CAST: variants seen among roughly 807,000 people sequenced by gnomAD.
CAST encodes calpastatin.
A neutral mutation model predicts 119.6 loss-of-function variants in CAST; 76 were observed. That is an observed-to-expected ratio of 0.64 (90% CI 0.53 to 0.77). The LOEUF is 0.77. Ranked by LOEUF, CAST falls within the 30% of genes least tolerant of loss-of-function variation. CAST has a pLI of 0.00. For missense variants in CAST, 953 were observed against 946.5 expected (o/e 1.01, Z -0.09); for synonymous variants, 319 against 331.6 (o/e 0.96, Z 0.41).
intron 16 of CAST, among the ~76,000 whole-genome samples, chr5:96,745,159 G>A (rs1165008546): frequency 2.0e-5 from 3 of 152,174 alleles, no homozygotes; most frequent in Non-Finnish European, 2.9e-5. Flanking sequence ...TTGACCTGGG[G>A]AGTGCTGCTC....
At chr5:96,318,626 G>A in the CAST span, 2 of 152,126 alleles carry the variant, frequency 1.3e-5, no homozygotes, top group South Asian at 2.1e-4. Flanking sequence ...CATACCCAAG[G>A]CCACATGGTG....
the CAST span, among the ~76,000 whole-genome samples, chr5:96,363,887 G>T: frequency 6.6e-6 from 1 of 152,202 alleles, no homozygotes; most frequent in Non-Finnish European, 1.5e-5. Flanking sequence ...GGAGTGTTGA[G>T]AGAGGGCATC....
chr5:96,412,563 T>C, the CAST span: 2 of 1,326,152 alleles, frequency 1.5e-6, no homozygotes, highest in Non-Finnish European at 2.2e-6. Flanking sequence ...CCAATACTCT[T>C]ACTATTTGTA....
chr5:96,706,616 G>A lies in CAST; in HGVS notation c.210+10709G>A, dbSNP rs141034925. Among the ~76,000 whole-genome samples the A allele has an allele frequency of 6.3e-3, 963 of 152,280 alleles. 11 individuals carry two copies. The highest frequency in any genetic ancestry group is 0.022 in the African/African-American group (911 of 41,538). Reference sequence around the variant, plus strand: ...TAATGACTGAGATGTTATTCTGGTGGAGCACAGTCAGTTAAAGGCAGGACT... The same window carrying A: ...TAATGACTGAGATGTTATTCTGGTGAAGCACAGTCAGTTAAAGGCAGGACT... On this transcript the variant is annotated intron_variant, in intron 3 of 31. Coordinates refer to ENST00000675179, the MANE Select transcript of CAST (RefSeq NM_001750.7).
chr5:96,238,332 T>TTCTTCTTCTTCTTCTTCTTCTTCC, the CAST span, among the ~76,000 whole-genome samples: 1 of 42,984 alleles, frequency 2.3e-5, no homozygotes, highest in African/African-American at 6.2e-5. Flanking sequence ...CTTCTTCTTC[T>TTCTTCTTCTTCTTCTTCTTCTTCC]TCTTCTTCTT....
At chr5:96,414,204 C>A in the CAST span, among the ~76,000 whole-genome samples, 1 of 151,762 alleles carries the variant, frequency 6.6e-6, no homozygotes, top group Admixed American at 6.6e-5. Flanking sequence ...AGCCAGTTAA[C>A]CCTCTGTGCC....
chr5:96,213,372 C>T, the CAST span: 1 of 151,992 alleles, frequency 6.6e-6, no homozygotes, highest in African/African-American at 2.4e-5. Context: ...ATCTTTGTCT[C>T]TTAATTGGTA....
At chr5:96,581,847 C>A (rs1445118250) in intron 1 of CAST, among the ~76,000 whole-genome samples, 1 of 151,938 alleles carries the variant, frequency 6.6e-6, no homozygotes, top group Non-Finnish European at 1.5e-5. Flanking sequence ...GCCGAGACTG[C>A]GCCACTCCAC....
At chr5:96,766,612 G>T (rs554655284) in intron 27 of CAST, among the ~76,000 whole-genome samples, 4 of 152,270 alleles carry the variant, frequency 2.6e-5, no homozygotes, top group African/African-American at 4.8e-5. Context: ...GTGAAGACAG[G>T]CAAAGCAATA....
chr5:96,519,281 A>G, the CAST span, among the ~76,000 whole-genome samples: 1 of 152,316 alleles, frequency 6.6e-6, no homozygotes, highest in East Asian at 1.9e-4. Context: ...CCAAAACAGG[A>G]CCAAGTTATT....
the CAST span, among the ~76,000 whole-genome samples, chr5:96,330,509 G>A: frequency 6.6e-6 from 1 of 152,190 alleles, no homozygotes; most frequent in Admixed American, 6.5e-5. Flanking sequence ...ATAGCTCGTC[G>A]TTTTATTATT....
the CAST span, among the ~76,000 whole-genome samples, chr5:96,108,795 G>A: frequency 2.0e-5 from 3 of 152,228 alleles, no homozygotes; most frequent in Non-Finnish European, 4.4e-5. Flanking sequence ...AAGCAAGCCT[G>A]GGCAATGGCA....
At chr5:96,309,604 T>C in the CAST span, among the ~76,000 whole-genome samples, 2 of 152,238 alleles carry the variant, frequency 1.3e-5, no homozygotes, top group Non-Finnish European at 2.9e-5. Flanking sequence ...GGGAATCTCC[T>C]GGTCTGCTGG....
At chr5:96,110,580 C>A in the CAST span, among the ~76,000 whole-genome samples, 4 of 152,108 alleles carry the variant, frequency 2.6e-5, no homozygotes, top group Non-Finnish European at 5.9e-5. Flanking sequence ...GTCTCCTGTT[C>A]TTTTTACTCT....
the CAST span, among the ~76,000 whole-genome samples, chr5:96,141,890 A>G: frequency 8.5e-5 from 13 of 152,190 alleles, no homozygotes; most frequent in Non-Finnish European, 1.9e-4. Flanking sequence ...GTAGCCGAGT[A>G]TTTGACATTG....
At chr5:96,770,650 G>A (rs374215782) in intron 30 of CAST, 48 bp downstream of exon 30, 2 of 1,238,430 alleles carry the variant, frequency 1.6e-6, no homozygotes, top group African/African-American at 3.0e-5. Flanking sequence ...CAGTTACACA[G>A]AGTAGGGTTT....
chr5:96,101,940 C>T, the CAST span, among the ~76,000 whole-genome samples: 1 of 152,144 alleles, frequency 6.6e-6, no homozygotes, highest in South Asian at 2.1e-4. Flanking sequence ...CTGCTTTGGG[C>T]ACTGGCAGGA....
the CAST span, among the ~76,000 whole-genome samples, chr5:96,365,986 T>G: frequency 6.6e-6 from 1 of 152,222 alleles, no homozygotes; most frequent in East Asian, 1.9e-4. Flanking sequence ...TTTCCATGTT[T>G]AGTGCTTCCT....
At chr5:96,136,705 T>TAATTCTA in the CAST span, among the ~76,000 whole-genome samples, 1 of 152,234 alleles carries the variant, frequency 6.6e-6, no homozygotes, top group East Asian at 1.9e-4. Flanking sequence ...TTACTACCTG[T>TAATTCTA]GTAATTCTAG....
Sources: gnomAD v4.1 joint callset for allele counts (sites outside exome capture counted in the v4.1 genomes callset) on GRCh38, gnomAD v4.1.1 for gene constraint, MANE v1.5 for transcripts, NCBI Gene and HGNC (gene_info 2026-07-23, HGNC 2026-07-21) for gene names.